Variants in ATP9B observed in about 807,000 individuals in gnomAD.
ATP9B encodes probable phospholipid-transporting ATPase IIB.
In ATP9B, 110 loss-of-function variants were observed where a neutral mutation model predicts 146.1. The observed-to-expected ratio is 0.75, with a 90% CI of 0.65 to 0.88. ATP9B has a LOEUF of 0.88. Ranked by LOEUF, ATP9B falls within the 40% of genes least tolerant of loss-of-function variation. The pLI is 0.00. For synonymous variants in ATP9B, 604 were observed against 569.7 expected, an observed-to-expected ratio of 1.06 and a Z score of -0.86; for missense variants, 1,499 against 1,496.4, an observed-to-expected ratio of 1.00 and a Z score of -0.03.
chr18:79,174,589 T>G (rs947965151), intron 7 of ATP9B, among the ~76,000 whole-genome samples: 5 of 152,162 alleles, frequency 3.3e-5, no homozygotes, highest in Non-Finnish European at 7.4e-5. Context: ...CTTTCTTTGT[T>G]TTTTATTTGT....
intron 9 of ATP9B, among the ~76,000 whole-genome samples, chr18:79,197,683 G>A (rs2095429348): frequency 6.6e-6 from 1 of 151,694 alleles, no homozygotes; most frequent in South Asian, 2.1e-4. Context: ...GCTAAAGTGG[G>A]ATCAACTGGT....
At chr18:79,366,277 A>G (rs760015183) in intron 26 of ATP9B, among the ~76,000 whole-genome samples, 2 of 152,152 alleles carry the variant, frequency 1.3e-5, no homozygotes, top group Admixed American at 6.5e-5. Context: ...CCTCTCTCAG[A>G]GCCCGCTGGA....
At chr18:79,190,894 G>GT (rs1568367333) in intron 8 of ATP9B, among the ~76,000 whole-genome samples, 53 of 151,668 alleles carry the variant, frequency 3.5e-4, no homozygotes, top group African/African-American at 1.1e-3. Flanking sequence ...AGGATTTGGG[G>GT]GTTTTTTTTA....
chr18:79,173,626 A>T, intron 7 of ATP9B: 1 of 445,072 alleles, frequency 2.2e-6, no homozygotes, highest in South Asian at 1.6e-5. Flanking sequence ...AGTAGTTGCC[A>T]TACTTGTATG....
At position 79,336,649 on chromosome 18, in the gene ATP9B, G is replaced by T; in HGVS notation, c.2050G>T (p.Gly684Ter). The T allele has an allele frequency of 6.2e-7, 1 of 1,610,546 alleles. No individual in the cohort carries two copies. The highest frequency in any genetic ancestry group is 8.5e-7 in the Non-Finnish European group (1 of 1,178,592). Residue 684 changes from glycine to a stop codon, truncating the protein, a stop_gained, in exon 18 of 30, where the codon GGA (glycine) becomes TGA (stop). Coordinates refer to ENST00000426216, the MANE Select transcript of ATP9B (RefSeq NM_198531.5). LOFTEE classifies it high-confidence loss of function. ...CCAGTGCGGAAACATGGCTCGCGAA[G>T]GACTGCGGACCCTCGTGGTTGCAAA... ...EEECGNMARE[G>*]LRTLVVAKKA...
chr18:79,114,557 A>G (rs1328472283), intron 4 of ATP9B, among the ~76,000 whole-genome samples: 1 of 152,228 alleles, frequency 6.6e-6, no homozygotes, highest in Non-Finnish European at 1.5e-5. Flanking sequence ...TTTACCTGTT[A>G]GTAAAGCCAT....
chr18:79,186,910 G>A (rs2095313131), intron 8 of ATP9B, among the ~76,000 whole-genome samples: 1 of 152,192 alleles, frequency 6.6e-6, no homozygotes, highest in Non-Finnish European at 1.5e-5. Context: ...GAGCTTGTAA[G>A]GCAGGAGTGA....
chr18:79,277,476 GT>G (rs201001834), intron 13 of ATP9B, among the ~76,000 whole-genome samples: 9 of 148,760 alleles, frequency 6.1e-5, no homozygotes, highest in Admixed American at 6.7e-5. Flanking sequence ...CAGTCTTACA[GT>G]TTTTTTTTTA....
chr18:79,281,720 A>C (rs1167749376), intron 13 of ATP9B, among the ~76,000 whole-genome samples: 1 of 151,972 alleles, frequency 6.6e-6, no homozygotes, highest in Non-Finnish European at 1.5e-5. Flanking sequence ...CCATTAGAGT[A>C]GTTTTTAAAA....
chr18:79,098,117 T>C (rs1310462942), intron 2 of ATP9B, among the ~76,000 whole-genome samples: 2 of 151,348 alleles, frequency 1.3e-5, no homozygotes, highest in Non-Finnish European at 3.0e-5. Context: ...TTGACAAACC[T>C]GAGAAAAACA....
At chr18:79,328,318 A>T (rs990328700) in intron 15 of ATP9B, among the ~76,000 whole-genome samples, 1 of 152,244 alleles carries the variant, frequency 6.6e-6, no homozygotes, top group Non-Finnish European at 1.5e-5. Context: ...TTTATCAGAA[A>T]ATAATACTTT....
intron 12 of ATP9B, among the ~76,000 whole-genome samples, chr18:79,275,179 A>T (rs886863045): frequency 6.6e-6 from 1 of 152,244 alleles, no homozygotes; most frequent in Non-Finnish European, 1.5e-5. Context: ...AATCAGAGCC[A>T]TGAATAGCGT....
intron 10 of ATP9B, among the ~76,000 whole-genome samples, chr18:79,212,722 C>T (rs1232424742): frequency 6.6e-6 from 1 of 152,012 alleles, no homozygotes; most frequent in South Asian, 2.1e-4. Context: ...TATTTCTCTG[C>T]GTAGTAAGTA....
At chr18:79,152,115 C>T (rs564487196) in intron 6 of ATP9B, among the ~76,000 whole-genome samples, 39 of 152,056 alleles carry the variant, frequency 2.6e-4, no homozygotes, top group Non-Finnish European at 5.1e-4. Flanking sequence ...AAATTAAAAC[C>T]ACAATGAGAC....
chr18:79,207,794 C>T (rs1279005673), intron 10 of ATP9B, among the ~76,000 whole-genome samples: 1 of 152,082 alleles, frequency 6.6e-6, no homozygotes, highest in Non-Finnish European at 1.5e-5. Flanking sequence ...CTGTTCTCCA[C>T]CAGGCACGGT....
At chr18:79,195,940 T>C (rs1207812883) in intron 9 of ATP9B, among the ~76,000 whole-genome samples, 9 of 152,188 alleles carry the variant, frequency 5.9e-5, no homozygotes, top group Admixed American at 1.3e-4. Context: ...GTGTGTGTTA[T>C]TAAATACAAG....
chr18:79,347,670 C>T (rs2096897677), intron 23 of ATP9B, 100 bp from the exon 24 acceptor site: 6 of 1,336,524 alleles, frequency 4.5e-6, no homozygotes, highest in Non-Finnish European at 4.0e-6. Context: ...GAGAGAATTT[C>T]GGTCTTTGTA....
At chr18:79,223,024 G>A (rs2095695702) in intron 11 of ATP9B, among the ~76,000 whole-genome samples, 1 of 152,152 alleles carries the variant, frequency 6.6e-6, no homozygotes, top group African/African-American at 2.4e-5. Context: ...AATACAAATT[G>A]CTTCAAGCAG....
chr18:79,302,974 C>T (rs940113803), intron 13 of ATP9B, among the ~76,000 whole-genome samples: 9 of 152,024 alleles, frequency 5.9e-5, no homozygotes, highest in African/African-American at 1.2e-4. Context: ...GTTTTATGTC[C>T]GCCTCTTTCA....
Sources: allele counts gnomAD v4.1 joint callset (sites outside exome capture counted in the v4.1 genomes callset), GRCh38; gene constraint gnomAD v4.1.1; transcripts MANE v1.5; gene names NCBI Gene and HGNC (gene_info 2026-07-23, HGNC 2026-07-21).